SPAG16: variants seen among roughly 807,000 people sequenced by gnomAD.
SPAG16 encodes sperm-associated antigen 16 protein.
SPAG16 carries 86 observed loss-of-function variants against 80.4 expected under a neutral mutation model. That is an observed-to-expected ratio of 1.07 (90% CI 0.90 to 1.28). The LOEUF is 1.28. SPAG16 is among the 50% of genes most tolerant of loss of function. The probability of loss-of-function intolerance (pLI) is 0.00; values close to 1 mark genes in which losing one functional copy is unlikely to be tolerated. For synonymous variants in SPAG16, 294 were observed against 265.9 expected (o/e 1.11, Z -1.03); for missense variants, 870 against 765.3 (o/e 1.14, Z -1.61).
At chr2:213,312,765 A>G (rs1390986078) in intron 4 of SPAG16, among the ~76,000 whole-genome samples, 1 of 151,780 alleles carries the variant, frequency 6.6e-6, no homozygotes, top group African/African-American at 2.4e-5. Context: ...AATTAAGAGT[A>G]TATTTCATTA....
intron 10 of SPAG16, among the ~76,000 whole-genome samples, chr2:213,799,966 A>G (rs993796397): frequency 6.6e-6 from 1 of 151,840 alleles, no homozygotes; most frequent in African/African-American, 2.4e-5. Flanking sequence ...GATTGAAAAA[A>G]AAAAAAAAAA....
At chr2:213,985,407 C>T (rs1396575577) in intron 12 of SPAG16, among the ~76,000 whole-genome samples, 1 of 152,044 alleles carries the variant, frequency 6.6e-6, no homozygotes, top group Non-Finnish European at 1.5e-5. Flanking sequence ...AATAAGCTTA[C>T]AAAAGCAAAA....
intron 13 of SPAG16, among the ~76,000 whole-genome samples, chr2:214,071,923 ACT>A (rs1020168958): frequency 1.3e-5 from 2 of 152,034 alleles, no homozygotes; most frequent in African/African-American, 4.8e-5. Flanking sequence ...CTAATTTTAA[ACT>A]CTCTGAGTTT....
At chr2:213,335,687 G>A (rs926696092) in intron 5 of SPAG16, among the ~76,000 whole-genome samples, 20 of 151,994 alleles carry the variant, frequency 1.3e-4, no homozygotes, top group Admixed American at 9.2e-4. Context: ...CTGAATGTTC[G>A]AATCAATAAT....
intron 6 of SPAG16, among the ~76,000 whole-genome samples, chr2:213,347,472 G>A (rs958589674): frequency 1.3e-5 from 2 of 152,082 alleles, no homozygotes; most frequent in African/African-American, 4.8e-5. Flanking sequence ...TTTTAATTGT[G>A]ATGTTAGGGT....
intron 15 of SPAG16, among the ~76,000 whole-genome samples, chr2:214,376,839 C>T (rs953882388): frequency 1.3e-5 from 2 of 152,182 alleles, no homozygotes; most frequent in African/African-American, 4.8e-5. Flanking sequence ...GACTGAATGA[C>T]ACAGTTTCAC....
intron 10 of SPAG16, among the ~76,000 whole-genome samples, chr2:213,796,586 T>C (rs1328723392): frequency 2.6e-5 from 4 of 152,190 alleles, no homozygotes; most frequent in African/African-American, 9.6e-5. Flanking sequence ...AATATTATAA[T>C]AGAGCTGAAA....
intron 15 of SPAG16, among the ~76,000 whole-genome samples, chr2:214,248,721 A>G (rs950930016): frequency 2.6e-5 from 4 of 152,170 alleles, no homozygotes; most frequent in African/African-American, 7.2e-5. Flanking sequence ...TAATAAACAA[A>G]TGAACAAATA....
chr2:213,365,550 C>T (rs1158224293), intron 8 of SPAG16: 1 of 151,950 alleles, frequency 6.6e-6, no homozygotes, highest in Non-Finnish European at 1.5e-5. Context: ...CTCCACCTCC[C>T]AGGTTCAAGT....
intron 9 of SPAG16, among the ~76,000 whole-genome samples, chr2:213,387,063 G>C (rs1267937960): frequency 6.6e-6 from 1 of 152,074 alleles, no homozygotes; most frequent in East Asian, 1.9e-4. Context: ...ATGGAAGAGT[G>C]CCATACAGAT....
At chr2:213,827,962 G>A (rs2073402614) in intron 10 of SPAG16, among the ~76,000 whole-genome samples, 1 of 152,014 alleles carries the variant, frequency 6.6e-6, no homozygotes, top group Non-Finnish European at 1.5e-5. Context: ...ATCTTTGGAA[G>A]TTTGACTATT....
At chr2:213,960,705 G>A (rs879277435) in intron 12 of SPAG16, among the ~76,000 whole-genome samples, 3 of 152,114 alleles carry the variant, frequency 2.0e-5, no homozygotes, top group South Asian at 2.1e-4. Flanking sequence ...CCTCACATAC[G>A]CAGTTGCTTT....
At chr2:214,070,375 G>C (rs886852353) in intron 13 of SPAG16, among the ~76,000 whole-genome samples, 1 of 151,886 alleles carries the variant, frequency 6.6e-6, no homozygotes, top group Non-Finnish European at 1.5e-5. Context: ...TTTGGCATAT[G>C]GTATGGAGTA....
chr2:214,012,828 C>T (rs1054920894), intron 12 of SPAG16, among the ~76,000 whole-genome samples: 5 of 152,136 alleles, frequency 3.3e-5, no homozygotes, highest in Admixed American at 3.3e-4. Flanking sequence ...GCAGTTATCC[C>T]TTTCTTCTGG....
rs576621623 is a variant in SPAG16, at chr2:213,303,344, A to G, written c.279+5987A>G. Among the ~76,000 whole-genome samples the G allele has an allele frequency of 2.0e-5, 3 of 152,158 alleles. No individual in the cohort carries two copies. The South Asian group carries it at 6.2e-4, about 32-fold the overall frequency. ...TTTTGATACAGGTGTACAATGTGCA[A>G]TAATCACAGGGTAAATGGGGTTCTA... On this transcript the variant is annotated intron_variant, in intron 3 of 15. Transcript: ENST00000331683.
chr2:213,372,108 A>T (rs559928355), intron 8 of SPAG16, among the ~76,000 whole-genome samples: 1 of 150,844 alleles, frequency 6.6e-6, no homozygotes, highest in African/African-American at 2.4e-5. Flanking sequence ...ACTTTTTAGT[A>T]TTACATATTA....
At chr2:213,458,937 AT>A (rs1468575314) in intron 9 of SPAG16, among the ~76,000 whole-genome samples, 2 of 151,972 alleles carry the variant, frequency 1.3e-5, no homozygotes, top group East Asian at 3.9e-4. Context: ...TGTTTTTTGA[AT>A]TTATGTGTTG....
intron 10 of SPAG16, among the ~76,000 whole-genome samples, chr2:213,520,543 G>A (rs976183233): frequency 5.3e-5 from 8 of 151,598 alleles, no homozygotes; most frequent in African/African-American, 1.9e-4. Context: ...GCAGTGAGCC[G>A]AGATCACACC....
intron 9 of SPAG16, among the ~76,000 whole-genome samples, chr2:213,442,887 A>T (rs974067765): frequency 3.3e-4 from 50 of 152,102 alleles, no homozygotes; most frequent in African/African-American, 1.1e-3. Flanking sequence ...TGAACGAAAG[A>T]ATCGATAATT....
Sources: allele counts gnomAD v4.1 joint callset (sites outside exome capture counted in the v4.1 genomes callset), GRCh38; gene constraint gnomAD v4.1.1; transcripts MANE v1.5; gene names NCBI Gene and HGNC (gene_info 2026-07-23, HGNC 2026-07-21).